Variants in SHOX2 observed in about 807,000 individuals in gnomAD.
SHOX2 encodes short stature homeobox protein 2.
A neutral mutation model predicts 31.3 loss-of-function variants in SHOX2; 13 were observed. The ratio of observed to expected loss-of-function variants is 0.42; its 90% CI spans 0.27 to 0.66. The LOEUF is 0.66. Ranked by LOEUF, SHOX2 falls within the 30% of genes least tolerant of loss-of-function variation. The pLI, the probability that SHOX2 is intolerant of heterozygous loss-of-function variation, is 0.27. For synonymous variants in SHOX2, 244 were observed against 196.2 expected (o/e 1.24, Z -2.04); for missense variants, 473 against 443.0 (o/e 1.07, Z -0.61).
Position 158,097,976 on chromosome 3 carries a change from G to T in SHOX2, c.*51C>A, listed in dbSNP as rs745310806. 2.6e-6 allele frequency: 4 copies of T among 1,544,214 alleles called. 1 individual carries two copies. The South Asian group carries it at 3.8e-5, about 14-fold the overall frequency. ...GGAGAAGCAGCGGGGCGCGGAGGGCGTGCAGGCTGAGTGCCGCGGGACAGG... is the reference window on the plus strand; with the variant it reads ...GGAGAAGCAGCGGGGCGCGGAGGGCTTGCAGGCTGAGTGCCGCGGGACAGG... On this transcript the variant is annotated 3_prime_UTR_variant, in exon 5 of 5. Transcript: ENST00000483851.
chr3:158,102,665 G>A lies in SHOX2; in HGVS notation c.555+13C>T, dbSNP rs777691031. On this transcript the variant is annotated intron_variant, in intron 2 of 4. Coordinates refer to ENST00000483851, the MANE Select transcript of SHOX2 (RefSeq NM_001163678.2). Reference sequence around the variant, plus strand: ...CTGCTCCCTGGGCCCTCGACCTCCTGGCAGCTGGGTACCTGCACTCGGGCC... The same window carrying A: ...CTGCTCCCTGGGCCCTCGACCTCCTAGCAGCTGGGTACCTGCACTCGGGCC... The A allele has an allele frequency of 8.7e-6, 14 of 1,612,596 alleles. No homozygotes were observed. Among genetic ancestry groups the A allele is most frequent in the African/African-American group, 1.3e-5 (1 of 74,956 alleles).
Position 158,098,280 on chromosome 3 carries a change from T to G in SHOX2, c.707A>C (p.Gln236Pro). 6.2e-7 allele frequency: 1 copy of G among 1,613,546 alleles called. No individual in the cohort carries two copies. The highest frequency in any genetic ancestry group is 1.7e-5 in the Admixed American group (1 of 59,950). ...AGCGCTGTCCAGCTGCAGCTGCGCCTGAACCTGAAAGGACAAGGGCGTCAC... is the reference window on the plus strand; with the variant it reads ...AGCGCTGTCCAGCTGCAGCTGCGCCGGAACCTGAAAGGACAAGGGCGTCAC... ...GALRMPFQQV[Q>P]AQLQLDSAVA... The change falls in exon 5 of 5, where the codon CAG becomes CCG. Residue 236 changes from glutamine (Q) to proline (P), a missense_variant. By Grantham distance (76) the Gln-to-Pro change is moderately conservative. Transcript: ENST00000483851.
chr3:158,104,329 A>T (rs1362743350), intron 1 of SHOX2, among the ~76,000 whole-genome samples: 1 of 152,204 alleles, frequency 6.6e-6, no homozygotes, highest in Non-Finnish European at 1.5e-5. Context: ...CCACTTTACA[A>T]ATTTAGGAAG....
intron 4 of SHOX2, among the ~76,000 whole-genome samples, chr3:158,099,039 C>T (rs987774374): frequency 9.2e-5 from 14 of 152,118 alleles, no homozygotes; most frequent in African/African-American, 2.9e-4. Flanking sequence ...CTAAGATCTC[C>T]CTAACACCGA....
intron 2 of SHOX2, among the ~76,000 whole-genome samples, chr3:158,102,338 AT>A (rs201563945): frequency 1.1e-4 from 17 of 151,670 alleles, no homozygotes; most frequent in South Asian, 2.1e-4. Flanking sequence ...TTTCTGTGGG[AT>A]TTTTTTTTAA....
chr3:158,103,622 A>T (rs949739572), intron 1 of SHOX2: 1 of 152,322 alleles, frequency 6.6e-6, no homozygotes, highest in African/African-American at 2.4e-5. Context: ...CGCCCACGCC[A>T]TGTTGGCTGC....
chr3:158,097,873 G>T lies in SHOX2; in HGVS notation c.*154C>A. 1 of 1,013,348 alleles carries T rather than the reference G, an allele frequency of 9.9e-7. No individual in the cohort carries two copies. Among genetic ancestry groups the T allele is most frequent in the Non-Finnish European group, 1.4e-6 (1 of 690,810 alleles). The allele number at this position is 1,013,348 out of a possible 1,614,324, so 62.8% of individuals were successfully genotyped here. A position where few individuals can be genotyped will look rare whatever the true frequency, so the allele number is the denominator to read the frequency against. On this transcript the variant is annotated 3_prime_UTR_variant, in exon 5 of 5. Coordinates refer to ENST00000483851, the MANE Select transcript of SHOX2 (RefSeq NM_001163678.2). ...TCCTGCGTGGAGTCTGGCTTTCCGA[G>T]TCCAAGATGCGATAGGGGACGAGGG...
At chr3:158,099,991 G>A (rs1463491135) in intron 3 of SHOX2, 43 bp from the exon 4 acceptor site, 1 of 1,548,658 alleles carries the variant, frequency 6.5e-7, no homozygotes, top group Non-Finnish European at 8.9e-7. Context: ...GTTAACGTTT[G>A]TAGCATTTTT....
At position 158,096,177 on chromosome 3, in the gene SHOX2, T is replaced by A. The variant is rs1453993773; in HGVS notation, c.*1850A>T. 6.6e-6 allele frequency: 1 copy of A among 150,668 alleles called. No homozygotes were observed. Among genetic ancestry groups the A allele is most frequent in the Non-Finnish European group, 1.5e-5 (1 of 67,940 alleles). The allele number at this position is 150,668 out of a possible 1,614,324, so 9.3% of individuals were successfully genotyped here. On this transcript the variant is annotated 3_prime_UTR_variant, in exon 5 of 5. Coordinates refer to ENST00000483851, the MANE Select transcript of SHOX2 (RefSeq NM_001163678.2). ...AATAACTTAATACACTAGAAAAAAA[T>A]ATGTCAAATATAAATAATTTTGTTT...
At position 158,106,346 on chromosome 3, in the gene SHOX2, T is replaced by G; in HGVS notation, c.-322A>C. 5.8e-5 allele frequency: 22 copies of G among 380,418 alleles called. No individual in the cohort carries two copies. Among genetic ancestry groups the G allele is most frequent in the Admixed American group, 9.1e-5 (2 of 22,034 alleles). 23.6% of individuals were successfully genotyped at this position (380,418 alleles called of 1,614,324 possible). On this transcript the variant is annotated 5_prime_UTR_variant, in exon 1 of 5. Transcript: ENST00000483851. ...GCCGGAGGGAAATGGGAACTGATGC[T>G]TCCCTGCCGGAGCGCGCTTGTTCAA...
intron 1 of SHOX2, chr3:158,105,415 G>A: frequency 3.4e-6 from 2 of 595,896 alleles, no homozygotes; most frequent in Non-Finnish European, 5.9e-6. Flanking sequence ...CATTTCGGTG[G>A]AATGGGAACA....
At chr3:158,105,601 C>T in intron 1 of SHOX2, 78 bp downstream of exon 1, 1 of 1,343,132 alleles carries the variant, frequency 7.4e-7, no homozygotes, top group Non-Finnish European at 1.0e-6. Context: ...CCCGCTGGGC[C>T]TCGGAGTCCT....
At position 158,105,730 on chromosome 3, in the gene SHOX2, T is replaced by G; in HGVS notation, c.295A>C (p.Met99Leu). 1 of 1,524,868 alleles carries G rather than the reference T, an allele frequency of 6.6e-7. No individual in the cohort carries two copies. 94.5% of individuals were successfully genotyped at this position (1,524,868 alleles called of 1,614,324 possible). Residue 99 changes from methionine to leucine, a missense_variant, in exon 1 of 5, where the codon ATG (methionine) becomes CTG (leucine). Coordinates refer to ENST00000483851, the MANE Select transcript of SHOX2 (RefSeq NM_001163678.2). ...TCCCTGCTTCTCTCGGCGGCGCCCA[T>G]GTCCAGCTCCCGGACGGGAGAGCGC... ...GGRSPVRELDMGAAERSREPG... is the reference protein window; with the variant it reads ...GGRSPVRELDLGAAERSREPG...
At chr3:158,101,277 C>G (rs1713471489) in intron 2 of SHOX2, among the ~76,000 whole-genome samples, 1 of 152,192 alleles carries the variant, frequency 6.6e-6, no homozygotes. Context: ...GTGTCATAGT[C>G]AATGTAAATC....
rs1713131499 is a variant in SHOX2, at chr3:158,096,907, T to TC, written c.*1119_*1120insG. ...CAGGGCAAATATATATATATATATA[T>TC]ATATATATATATATATATATATATG... is the stretch of plus-strand genomic sequence containing the variant. On this transcript the variant is annotated 3_prime_UTR_variant, in exon 5 of 5. Coordinates refer to ENST00000483851, the MANE Select transcript of SHOX2 (RefSeq NM_001163678.2). 1 of 107,744 alleles carries TC rather than the reference T, an allele frequency of 9.3e-6. No individual in the cohort carries two copies. Among genetic ancestry groups the TC allele is most frequent in the African/African-American group, 3.3e-5 (1 of 29,972 alleles). The allele number at this position is 107,744 out of a possible 1,614,324, so 6.7% of individuals were successfully genotyped here. A position where few individuals can be genotyped will look rare whatever the true frequency, so the allele number is the denominator to read the frequency against.
chr3:158,105,032 GCCCC>G (rs57739193), intron 1 of SHOX2: 1 of 309,816 alleles, frequency 3.2e-6, no homozygotes, highest in Non-Finnish European at 5.8e-6. Flanking sequence ...CTCCCCCGCC[GCCCC>G]CCCCCCCCGC....
chr3:158,105,085 G>A (rs780994659), intron 1 of SHOX2: 16 of 1,499,670 alleles, frequency 1.1e-5, no homozygotes, highest in African/African-American at 1.5e-5. Flanking sequence ...TCGCCCGGGA[G>A]AAGCAGCGTA....
chr3:158,098,293 A>AGG lies in SHOX2; in HGVS notation c.703-10_703-9insCC. 1 of 1,612,572 alleles carries AGG rather than the reference A, an allele frequency of 6.2e-7. No homozygotes were observed. The highest frequency in any genetic ancestry group is 8.5e-7 in the Non-Finnish European group (1 of 1,179,130). On this transcript the variant is annotated splice_polypyrimidine_tract_variant and intron_variant, in intron 4 of 4. Transcript: ENST00000483851. ...TGCAGCTGCGCCTGAACCTGAAAGG[A>AGG]CAAGGGCGTCACGTTGCAATGACTA...
chr3:158,099,277 A>G (rs1164119950), intron 4 of SHOX2, among the ~76,000 whole-genome samples: 38 of 152,130 alleles, frequency 2.5e-4, no homozygotes, highest in Admixed American at 2.5e-3. Context: ...TTTAAAATGT[A>G]CTCTTAAAGG....
Sources: gnomAD v4.1 joint callset for allele counts (sites outside exome capture counted in the v4.1 genomes callset) on GRCh38, gnomAD v4.1.1 for gene constraint, MANE v1.5 for transcripts, NCBI Gene and HGNC (gene_info 2026-07-23, HGNC 2026-07-21) for gene names.